HIVEP3: variants seen among roughly 807,000 people sequenced by gnomAD.
The protein encoded by HIVEP3 is HIVEP zinc finger 3, also known as transcription factor HIVEP3.
In HIVEP3, 49 loss-of-function variants were observed where a neutral mutation model predicts 152.8. That is an observed-to-expected ratio of 0.32 (90% CI 0.26 to 0.41). The LOEUF is 0.41. Among genes scored for constraint, HIVEP3 ranks in the 10% least tolerant of loss-of-function variants. The pLI is 1.00. For synonymous variants in HIVEP3, 1,269 were observed against 1,289.0 expected, an observed-to-expected ratio of 0.98 and a Z score of 0.33; for missense variants, 2,790 against 3,103.3, an observed-to-expected ratio of 0.90 and a Z score of 2.40.
At chr1:41,777,594 G>T (rs980213767) in intron 1 of HIVEP3, among the ~76,000 whole-genome samples, 2 of 152,246 alleles carry the variant, frequency 1.3e-5, no homozygotes, top group African/African-American at 4.8e-5. Flanking sequence ...AGCTAAAACT[G>T]CATATAACAG....
chr1:41,741,645 A>T (rs983809892), intron 1 of HIVEP3, among the ~76,000 whole-genome samples: 18 of 152,344 alleles, frequency 1.2e-4, no homozygotes, highest in African/African-American at 4.1e-4. Context: ...AGCCACCTGG[A>T]TCTGCTGCCT....
intron 1 of HIVEP3, among the ~76,000 whole-genome samples, chr1:41,721,339 G>T (rs994954485): frequency 3.9e-5 from 6 of 151,992 alleles, no homozygotes; most frequent in African/African-American, 1.5e-4. Context: ...CCGAGTAGGT[G>T]GGATTACAGG....
intron 1 of HIVEP3, among the ~76,000 whole-genome samples, chr1:41,754,688 C>T (rs1384786759): frequency 6.6e-6 from 1 of 152,124 alleles, no homozygotes; most frequent in Non-Finnish European, 1.5e-5. Context: ...ATTTCTGAAA[C>T]CTCAAATGTG....
chr1:41,594,852 T>C (rs959766400), intron 3 of HIVEP3, among the ~76,000 whole-genome samples: 4 of 152,218 alleles, frequency 2.6e-5, no homozygotes, highest in African/African-American at 9.6e-5. Flanking sequence ...TTCCCTCCTT[T>C]CCTCTCTTCT....
intron 1 of HIVEP3, among the ~76,000 whole-genome samples, chr1:42,028,710 G>A (rs1645595773): frequency 6.6e-6 from 1 of 152,154 alleles, no homozygotes; most frequent in Non-Finnish European, 1.5e-5. Flanking sequence ...AAATGCTGGG[G>A]ATCTTTAATT....
At position 41,575,594 on chromosome 1, in the gene HIVEP3, A is replaced by T; in HGVS notation, c.5157T>A (p.Ala1719=). ...CCGGCTCCCCTCTCTGGGAGGCAGGAGCATCCTCCTCCGGCTCCCCTCTCC... is the reference window on the plus strand; with the variant it reads ...CCGGCTCCCCTCTCTGGGAGGCAGGTGCATCCTCCTCCGGCTCCCCTCTCC... ...EERRGEPEED[A]PASQRGEPAR... Residue 1719 remains alanine, a synonymous_variant, in exon 5 of 9, where the codon GCT becomes GCA. Transcript: ENST00000372583. 2 of 1,613,856 alleles carry T rather than the reference A, an allele frequency of 1.2e-6. No individual in the cohort carries two copies. The highest frequency in any genetic ancestry group is 1.7e-6 in the Non-Finnish European group (2 of 1,179,802).
chr1:41,597,114 G>C (rs1237896560), intron 3 of HIVEP3, among the ~76,000 whole-genome samples: 1 of 152,004 alleles, frequency 6.6e-6, no homozygotes, highest in Non-Finnish European at 1.5e-5. Flanking sequence ...AACAGGGCTT[G>C]GAATTTCTGC....
intron 1 of HIVEP3, among the ~76,000 whole-genome samples, chr1:41,832,071 G>A (rs1642980247): frequency 6.6e-6 from 1 of 152,180 alleles, no homozygotes; most frequent in African/African-American, 2.4e-5. Flanking sequence ...AATGTTTGGG[G>A]TCAGCCTCGA....
chr1:41,637,114 G>A (rs995367120), intron 2 of HIVEP3, among the ~76,000 whole-genome samples: 1 of 152,174 alleles, frequency 6.6e-6, no homozygotes, highest in African/African-American at 2.4e-5. Context: ...TTTTAACCGT[G>A]TCTACCAAAA....
At position 41,626,182 on chromosome 1, in the gene HIVEP3, C is replaced by T. The variant is rs867852166; in HGVS notation, c.-522+2567G>A. Among the ~76,000 whole-genome samples, 7 of 151,568 alleles carry T rather than the reference C, an allele frequency of 4.6e-5. No homozygotes were observed. In the South Asian group the frequency reaches 6.3e-4, roughly 14 times the overall value. On this transcript the variant is annotated intron_variant, in intron 3 of 8. Transcript: ENST00000372583. ...CTCTGATGGTGCTGATGGGCCACCC[C>T]GCCCTCCCCAGCACCGGGGCGTTTG...
chr1:41,846,402 T>C (rs936602523), intron 1 of HIVEP3, among the ~76,000 whole-genome samples: 9 of 152,242 alleles, frequency 5.9e-5, no homozygotes, highest in Admixed American at 2.6e-4. Context: ...TGTTAACTCC[T>C]GTTGGATTTT....
chr1:41,958,990 G>A (rs1252793882), intron 1 of HIVEP3, among the ~76,000 whole-genome samples: 1 of 152,192 alleles, frequency 6.6e-6, no homozygotes, highest in African/African-American at 2.4e-5. Context: ...TGATGGAAGA[G>A]GTGCTTAACT....
intron 1 of HIVEP3, among the ~76,000 whole-genome samples, chr1:41,929,110 T>C (rs1644982826): frequency 6.6e-6 from 1 of 152,214 alleles, no homozygotes. Context: ...AGCTATCAGG[T>C]GAACTGTCTG....
chr1:41,523,485 T>C (rs188466308), intron 6 of HIVEP3, among the ~76,000 whole-genome samples: 2 of 151,662 alleles, frequency 1.3e-5, no homozygotes, highest in East Asian at 3.9e-4. Flanking sequence ...AGGGCAGGGG[T>C]TCAGTTAATG....
chr1:41,722,707 A>G (rs1367863331), intron 1 of HIVEP3, among the ~76,000 whole-genome samples: 3 of 152,078 alleles, frequency 2.0e-5, no homozygotes, highest in African/African-American at 2.4e-5. Context: ...CAAAAAGACA[A>G]TTGTTGGTGA....
At chr1:41,614,974 C>T (rs1253790471) in intron 3 of HIVEP3, among the ~76,000 whole-genome samples, 1 of 152,224 alleles carries the variant, frequency 6.6e-6, no homozygotes, top group Non-Finnish European at 1.5e-5. Context: ...CAGCTCTGAG[C>T]TAGGCAATTG....
intron 1 of HIVEP3, among the ~76,000 whole-genome samples, chr1:41,783,841 A>C (rs1458695129): frequency 1.3e-5 from 2 of 152,200 alleles, no homozygotes; most frequent in Non-Finnish European, 2.9e-5. Flanking sequence ...TGTTCTGGCA[A>C]TGGTCTGTTA....
At chr1:41,866,522 C>T (rs562688559) in intron 1 of HIVEP3, among the ~76,000 whole-genome samples, 2 of 147,058 alleles carry the variant, frequency 1.4e-5, no homozygotes, top group South Asian at 4.4e-4. Context: ...CTGGCTGCTC[C>T]CTGTGGGACT....
chr1:42,006,036 G>A (rs566406711), intron 1 of HIVEP3, among the ~76,000 whole-genome samples: 8 of 152,214 alleles, frequency 5.3e-5, no homozygotes, highest in Admixed American at 1.3e-4. Flanking sequence ...ATAGCTTTAA[G>A]GTCACGACAA....
Sources: allele counts gnomAD v4.1 joint callset (sites outside exome capture counted in the v4.1 genomes callset), GRCh38; gene constraint gnomAD v4.1.1; transcripts MANE v1.5; gene names NCBI Gene and HGNC (gene_info 2026-07-23, HGNC 2026-07-21).